The following SLC18A1 variants were observed in gnomAD, a reference collection of about 807,000 sequenced individuals.
SLC18A1 encodes solute carrier family 18 member A1, also known as chromaffin granule amine transporter.
Under a neutral mutation model 53.7 loss-of-function variants are expected in SLC18A1, and 69 were observed. The observed-to-expected ratio is 1.28, with a 90% CI of 1.06 to 1.57. The LOEUF (loss-of-function observed/expected upper bound fraction) is 1.57. SLC18A1 is among the 40% of genes most tolerant of loss of function. The pLI, the probability that SLC18A1 is intolerant of heterozygous loss-of-function variation, is 0.00. For missense variants in SLC18A1, 932 were observed against 668.1 expected (o/e 1.40, Z -4.35); for synonymous variants, 320 against 248.1 (o/e 1.29, Z -2.72).
chr8:20,156,065 CT>C (rs1425472067), intron 10 of SLC18A1, among the ~76,000 whole-genome samples: 1 of 152,224 alleles, frequency 6.6e-6, no homozygotes, highest in Non-Finnish European at 1.5e-5. Context: ...TGACCCAGTA[CT>C]TTAACACTGG....
intron 15 of SLC18A1, among the ~76,000 whole-genome samples, chr8:20,146,507 A>G (rs983353542): frequency 6.6e-6 from 1 of 152,180 alleles, no homozygotes; most frequent in Non-Finnish European, 1.5e-5. Flanking sequence ...CTCTGTCGGT[A>G]TCCCAAACCC....
chr8:20,144,995 A>G lies in SLC18A1; in HGVS notation c.*768T>C, dbSNP rs1426879743. ...CATGAAATCTTGGGTCTAATCAGTT[A>G]TTTTTTCTGTCTTTCTTCTACTTTT... On this transcript the variant is annotated 3_prime_UTR_variant, in exon 16 of 16. Transcript: ENST00000276373. 6.6e-6 allele frequency: 1 copy of G among 152,000 alleles called. No homozygotes were observed. The highest frequency in any genetic ancestry group is 1.5e-5 in the Non-Finnish European group (1 of 68,006). The allele number at this position is 152,000 out of a possible 1,614,324, so 9.4% of individuals were successfully genotyped here.
At chr8:20,176,761 T>A (rs1585225007) in intron 4 of SLC18A1, among the ~76,000 whole-genome samples, 1 of 152,242 alleles carries the variant, frequency 6.6e-6, no homozygotes, top group African/African-American at 2.4e-5. Context: ...CCTATGGAAA[T>A]AATAATTATT....
chr8:20,170,972 C>T, intron 8 of SLC18A1, 131 bp downstream of exon 8: 1 of 855,996 alleles, frequency 1.2e-6, no homozygotes. Context: ...TCCTGGAATC[C>T]AAACACAGTT....
At chr8:20,155,023 T>C (rs1275580282) in intron 10 of SLC18A1, among the ~76,000 whole-genome samples, 4 of 152,172 alleles carry the variant, frequency 2.6e-5, no homozygotes, top group African/African-American at 7.2e-5. Context: ...TGAACACTAG[T>C]CACTGCATTC....
rs1050760335 is a variant in SLC18A1 at position 20,151,137 on chromosome 8, G to T, written c.1016-393C>A. ...CAGATGAACACCACCACACCTAGTTGTTTTTTTTTGTTTTTTTTTTGTTTG... is the reference window on the plus strand; with the variant it reads ...CAGATGAACACCACCACACCTAGTTTTTTTTTTTTGTTTTTTTTTTGTTTG... On this transcript the variant is annotated intron_variant, in intron 10 of 15. Transcript: ENST00000276373. 13 of 101,600 alleles carry T rather than the reference G, an allele frequency of 1.3e-4. No homozygotes were observed. In the South Asian group the frequency reaches 2.9e-3, roughly 23 times the overall value. The allele number at this position is 101,600 out of a possible 1,614,324, so 6.3% of individuals were successfully genotyped here. A position where few individuals can be genotyped will look rare whatever the true frequency, so the allele number is the denominator to read the frequency against.
rs1406790646 is a variant in SLC18A1, at chr8:20,167,982, GA to G, written c.859-2876del. 2.6e-4 allele frequency among the ~76,000 whole-genome samples: 39 copies of G among 152,014 alleles called. 1 individual carries two copies. The highest frequency in any genetic ancestry group is 2.6e-3 in the Admixed American group (39 of 15,266). ...AAGAACCTGGGCTCCTTGGGGAAAT[GA>G]ATTCAGGGCTGAGGCAGGGAAAGTA... On this transcript the variant is annotated intron_variant, in intron 8 of 15. Transcript: ENST00000276373.
chr8:20,159,638 A>T (rs2071770877), intron 10 of SLC18A1, among the ~76,000 whole-genome samples: 1 of 65,382 alleles, frequency 1.5e-5, no homozygotes, highest in Non-Finnish European at 2.8e-5. Context: ...AGCTGCCAAA[A>T]AAAAAAAAAA....
chr8:20,147,216 A>G (rs2071422661), intron 15 of SLC18A1, 42 bp downstream of exon 15: 2 of 1,563,372 alleles, frequency 1.3e-6, no homozygotes, highest in Non-Finnish European at 1.7e-6. Flanking sequence ...TGATGGAAAG[A>G]AACAGAAGTG....
chr8:20,154,157 A>C (rs1373496897), intron 10 of SLC18A1, among the ~76,000 whole-genome samples: 1 of 152,238 alleles, frequency 6.6e-6, no homozygotes, highest in Non-Finnish European at 1.5e-5. Flanking sequence ...TTTTCTTTAT[A>C]AATTACCCAG....
At chr8:20,171,080 A>T (rs1357576571) in intron 8 of SLC18A1, 23 bp downstream of exon 8, 1 of 1,613,276 alleles carries the variant, frequency 6.2e-7, no homozygotes, top group Non-Finnish European at 8.5e-7. Flanking sequence ...AACTGTTAGA[A>T]ATGGAGCTTT....
intron 8 of SLC18A1, among the ~76,000 whole-genome samples, chr8:20,168,659 C>G (rs1384258939): frequency 6.6e-6 from 1 of 152,092 alleles, no homozygotes; most frequent in Non-Finnish European, 1.5e-5. Context: ...ACCTCCGCCT[C>G]CTAGGTTCAA....
At chr8:20,168,789 C>G (rs553307831) in intron 8 of SLC18A1, among the ~76,000 whole-genome samples, 1 of 152,258 alleles carries the variant, frequency 6.6e-6, no homozygotes, top group East Asian at 1.9e-4. Context: ...AGGCTGGTCT[C>G]AAACTCCTGG....
intron 3 of SLC18A1, 24 bp downstream of exon 3, chr8:20,179,097 G>C: frequency 6.3e-7 from 1 of 1,596,080 alleles, no homozygotes; most frequent in Non-Finnish European, 8.5e-7. Flanking sequence ...TGTACCCTGC[G>C]GGGCACTGCA....
At chr8:20,171,872 G>A (rs1328109551) in intron 6 of SLC18A1, among the ~76,000 whole-genome samples, 1 of 152,204 alleles carries the variant, frequency 6.6e-6, no homozygotes, top group African/African-American at 2.4e-5. Context: ...TATCTGGAGG[G>A]GAAGAAGCTT....
At chr8:20,150,286 G>C (rs979413841) in intron 11 of SLC18A1, among the ~76,000 whole-genome samples, 2 of 152,196 alleles carry the variant, frequency 1.3e-5, no homozygotes, top group Non-Finnish European at 2.9e-5. Context: ...GGCCTCTGGG[G>C]TGCCTCTATA....
At chr8:20,156,190 T>C (rs546902667) in intron 10 of SLC18A1, among the ~76,000 whole-genome samples, 54 of 150,486 alleles carry the variant, frequency 3.6e-4, no homozygotes, top group African/African-American at 1.2e-3. Flanking sequence ...CAGAAGGAAG[T>C]AGAAAAATAA....
intron 10 of SLC18A1, among the ~76,000 whole-genome samples, chr8:20,152,847 G>A (rs1221874339): frequency 6.6e-6 from 1 of 152,194 alleles, no homozygotes; most frequent in Non-Finnish European, 1.5e-5. Flanking sequence ...GAATCGAGAA[G>A]AGGAGTCTGG....
At chr8:20,155,716 T>A (rs1181187424) in intron 10 of SLC18A1, among the ~76,000 whole-genome samples, 2 of 152,222 alleles carry the variant, frequency 1.3e-5, no homozygotes, top group Admixed American at 6.5e-5. Flanking sequence ...TAGGTACTAA[T>A]GCTTCAGACT....
Sources: gnomAD v4.1 joint callset for allele counts (sites outside exome capture counted in the v4.1 genomes callset) on GRCh38, gnomAD v4.1.1 for gene constraint, MANE v1.5 for transcripts, NCBI Gene and HGNC (gene_info 2026-07-23, HGNC 2026-07-21) for gene names.